The following ZNF141 variants were observed in gnomAD, a reference collection of about 807,000 sequenced individuals.
The protein encoded by ZNF141 is zinc finger protein 141 (clone pHZ-44).
Under a neutral mutation model 11.3 loss-of-function variants are expected in ZNF141, and 7 were observed. The ratio of observed to expected loss-of-function variants is 0.62; its 90% CI spans 0.35 to 1.16. ZNF141 has a LOEUF of 1.16. Ranked by LOEUF, ZNF141 falls within the 50% of genes most tolerant of loss-of-function variation. The pLI is 0.02. For missense variants in ZNF141, 535 were observed against 554.0 expected, an observed-to-expected ratio of 0.97 and a Z score of 0.34; for synonymous variants, 183 against 190.7, an observed-to-expected ratio of 0.96 and a Z score of 0.33.
chr4:378,824 G>C lies in ZNF141; in HGVS notation c.*4962G>C, dbSNP rs1553855036. 1.5e-5 allele frequency among the ~76,000 whole-genome samples: 2 copies of C among 137,840 alleles called. No homozygotes were observed. Among genetic ancestry groups the C allele is most frequent in the East Asian group, 4.3e-4 (2 of 4,660 alleles). The allele number at this position is 137,840 out of a possible 152,430, so 90.4% of individuals were successfully genotyped here. A position where few individuals can be genotyped will look rare whatever the true frequency, so the allele number is the denominator to read the frequency against. ...TTATGGCAGCTGTTGAATCCAAACAGTTTCTCAGTGATTTTTTTTTTTTTT... is the reference window on the plus strand; with the variant it reads ...TTATGGCAGCTGTTGAATCCAAACACTTTCTCAGTGATTTTTTTTTTTTTT... On this transcript the variant is annotated 3_prime_UTR_variant, in exon 4 of 4. Transcript: ENST00000240499.
intron 1 of ZNF141, among the ~76,000 whole-genome samples, chr4:341,680 C>T (rs1721058636): frequency 6.6e-6 from 1 of 152,028 alleles, no homozygotes; most frequent in South Asian, 2.1e-4. Context: ...CCCATCCCTG[C>T]CCAGATCTAC....
chr4:346,858 C>G (rs1259929467), intron 3 of ZNF141, among the ~76,000 whole-genome samples: 1 of 143,422 alleles, frequency 7.0e-6, no homozygotes, highest in Non-Finnish European at 1.5e-5. Context: ...TATGTATATA[C>G]ATGTATGTAT....
In ZNF141 at chr4:372,970, A is replaced by C. The variant is rs376981543; in HGVS notation, c.533A>C (p.Lys178Thr). Reference sequence around the variant, plus strand: ...GAGAAACACTTTAAAGAATGTGGCAAATCATTTCAGAAGTTTTCACACCTA... The same window carrying C: ...GAGAAACACTTTAAAGAATGTGGCACATCATTTCAGAAGTTTTCACACCTA... Reference protein sequence around the residue: ...TGEKHFKECGKSFQKFSHLTQ... With the variant: ...TGEKHFKECGTSFQKFSHLTQ... Residue 178 changes from lysine (K) to threonine (T), a missense_variant, in exon 4 of 4, where the codon AAA (lysine) becomes ACA (threonine). Physicochemically the swap from Lys to Thr is moderately conservative, Grantham distance 78 (BLOSUM62 -1). Transcript: ENST00000240499. The C allele has an allele frequency of 1.2e-6, 2 of 1,614,144 alleles. No individual in the cohort carries two copies. Among genetic ancestry groups the C allele is most frequent in the East Asian group, 2.2e-5 (1 of 44,868 alleles).
intron 3 of ZNF141, among the ~76,000 whole-genome samples, chr4:352,950 G>T (rs1188871142): frequency 5.9e-5 from 9 of 152,180 alleles, no homozygotes; most frequent in African/African-American, 2.2e-4. Flanking sequence ...AAGCAGTGTT[G>T]TGGAACTGGG....
chr4:358,385 C>T (rs1553851585), intron 3 of ZNF141: 3 of 304,648 alleles, frequency 9.8e-6, no homozygotes, highest in South Asian at 7.6e-5. Flanking sequence ...GGGGTTTCAC[C>T]ATGTTGGCCA....
At chr4:344,669 CT>C (rs1721235213) in intron 3 of ZNF141, among the ~76,000 whole-genome samples, 1 of 152,094 alleles carries the variant, frequency 6.6e-6, no homozygotes, top group Admixed American at 6.6e-5. Context: ...TGGTGCGCAC[CT>C]GGAGTCCCAG....
In ZNF141 at chr4:372,668, G is replaced by A. The variant is rs1428588535; in HGVS notation, c.231G>A (p.Met77Ile). The part of the protein sequence containing the change: ...IHKIVARPPA[M>I]CSHFTQDHWP... Reference sequence around the variant, plus strand: ...TGTAATTTTTATTTCTTTCAGCTATGTGTTCTCATTTCACCCAAGACCATT... The same window carrying A: ...TGTAATTTTTATTTCTTTCAGCTATATGTTCTCATTTCACCCAAGACCATT... The change falls in exon 4 of 4, where the codon ATG becomes ATA. Residue 77 changes from methionine (M) to isoleucine (I), a missense_variant. Coordinates refer to ENST00000240499, the MANE Select transcript of ZNF141 (RefSeq NM_003441.4). 1 of 1,511,654 alleles carries A rather than the reference G, an allele frequency of 6.6e-7. No individual in the cohort carries two copies. Among genetic ancestry groups the A allele is most frequent in the Admixed American group, 2.2e-5 (1 of 45,470 alleles). The allele number at this position is 1,511,654 out of a possible 1,614,324, so 93.6% of individuals were successfully genotyped here. A position where few individuals can be genotyped will look rare whatever the true frequency, so the allele number is the denominator to read the frequency against.
chr4:371,554 G>T (rs1712063832), intron 3 of ZNF141, among the ~76,000 whole-genome samples: 1 of 145,102 alleles, frequency 6.9e-6, no homozygotes, highest in South Asian at 2.2e-4. Flanking sequence ...GTGTGTGTGT[G>T]TGTGTGTCAG....
At chr4:340,158 C>T (rs1433138631) in intron 1 of ZNF141, among the ~76,000 whole-genome samples, 2 of 152,248 alleles carry the variant, frequency 1.3e-5, no homozygotes, top group Non-Finnish European at 2.9e-5. Context: ...ATATTTTCCA[C>T]ACGCTGTCAA....
In ZNF141 at chr4:381,946, C is replaced by CTTTTTTTTTTTTTTTTTTTTTTTTT. The variant is rs34905613; in HGVS notation, c.*8103_*8104insTTTTTTTTTTTTTTTTTTTTTTTTT. On this transcript the variant is annotated 3_prime_UTR_variant, in exon 4 of 4. Transcript: ENST00000240499. Reference sequence around the variant, plus strand: ...CTAGGGCCACCACCATCTCTGGGAACTTTTTTTTTTTTTTTTTTTGAGACG... The same window carrying CTTTTTTTTTTTTTTTTTTTTTTTTT: ...CTAGGGCCACCACCATCTCTGGGAACTTTTTTTTTTTTTTTTTTTTTTTTTTTTTTTTTTTTTTTTTTTTGAGACG... Among the ~76,000 whole-genome samples the CTTTTTTTTTTTTTTTTTTTTTTTTT allele has an allele frequency of 9.7e-4, 103 of 105,910 alleles. 12 individuals carry two copies. Among genetic ancestry groups the CTTTTTTTTTTTTTTTTTTTTTTTTT allele is most frequent in the African/African-American group, 1.5e-3 (34 of 22,438 alleles). The allele number at this position is 105,910 out of a possible 152,430, so 69.5% of individuals were successfully genotyped here. A position where few individuals can be genotyped will look rare whatever the true frequency, so the allele number is the denominator to read the frequency against.
chr4:359,337 T>C (rs1159489165), intron 3 of ZNF141, among the ~76,000 whole-genome samples: 1 of 152,212 alleles, frequency 6.6e-6, no homozygotes, highest in African/African-American at 2.4e-5. Context: ...ATGGAGATGC[T>C]GATACAATAA....
At chr4:363,758 C>CAA (rs781822883) in intron 3 of ZNF141, among the ~76,000 whole-genome samples, 6 of 102,068 alleles carry the variant, frequency 5.9e-5, no homozygotes, top group African/African-American at 7.6e-5. Context: ...ACTCTGTCTC[C>CAA]AAAAAAAAAA....
chr4:349,837 TA>T (rs1224613465), intron 3 of ZNF141, among the ~76,000 whole-genome samples: 1 of 152,190 alleles, frequency 6.6e-6, no homozygotes, highest in Non-Finnish European at 1.5e-5. Context: ...GGCAGTAGAC[TA>T]GGGTTTTGAA....
Position 380,684 on chromosome 4 carries a change from G to T in ZNF141, c.*6822G>T, listed in dbSNP as rs1465479189. Among the ~76,000 whole-genome samples, 1 of 151,740 alleles carries T rather than the reference G, an allele frequency of 6.6e-6. No homozygotes were observed. Among genetic ancestry groups the T allele is most frequent in the Non-Finnish European group, 1.5e-5 (1 of 67,960 alleles). ...CCAAAAAAAAAAATTAATTTTCACA[G>T]AAAATTAATAGCATAGGTATTATTA... On this transcript the variant is annotated 3_prime_UTR_variant, in exon 4 of 4. Transcript: ENST00000240499.
At chr4:361,339 G>C (rs2108712244) in intron 3 of ZNF141, among the ~76,000 whole-genome samples, 1 of 148,910 alleles carries the variant, frequency 6.7e-6, no homozygotes, top group Non-Finnish European at 1.5e-5. Flanking sequence ...TTTTTTAACG[G>C]AATGATCTCA....
chr4:362,909 G>A (rs2108714581), intron 3 of ZNF141, among the ~76,000 whole-genome samples: 1 of 152,272 alleles, frequency 6.6e-6, no homozygotes. Context: ...TTCCAGTTCT[G>A]TGAAGAAAGT....
rs1052835249 is a variant in ZNF141, at chr4:376,528, A to T, written c.*2666A>T. ...GTAGTATTATATCAGTATAATTATA[A>T]TTCATACATTTATGCATCCTGAATA... On this transcript the variant is annotated 3_prime_UTR_variant, in exon 4 of 4. Transcript: ENST00000240499. Among the ~76,000 whole-genome samples, 9 of 152,206 alleles carry T rather than the reference A, an allele frequency of 5.9e-5. No individual in the cohort carries two copies. Among genetic ancestry groups the T allele is most frequent in the African/African-American group, 2.2e-4 (9 of 41,588 alleles).
chr4:381,091 T>C lies in ZNF141; in HGVS notation c.*7229T>C, dbSNP rs1449078649. On this transcript the variant is annotated 3_prime_UTR_variant, in exon 4 of 4. Transcript: ENST00000240499. ...CCTGTAGTCAGTAAATGCTGTAATG[T>C]AATTAAATATTATTTACTACAAACT... 6.6e-6 allele frequency among the ~76,000 whole-genome samples: 1 copy of C among 152,228 alleles called. No individual in the cohort carries two copies. The highest frequency in any genetic ancestry group is 1.5e-5 in the Non-Finnish European group (1 of 68,044).
In ZNF141 at chr4:350,482, C is replaced by T. The variant is rs563761929; in HGVS notation, c.226+6052C>T. 1.1e-4 allele frequency among the ~76,000 whole-genome samples: 16 copies of T among 152,310 alleles called. No homozygotes were observed. The East Asian group carries it at 1.2e-3, about 11-fold the overall frequency. On this transcript the variant is annotated intron_variant, in intron 3 of 3. Transcript: ENST00000240499. The stretch of plus-strand genomic sequence containing the variant: ...TTTGAAGCTAAAGAATATTTCATTG[C>T]GTGTATAAGCCACATCTTTTAAAAT...
Sources: gnomAD v4.1 joint callset for allele counts (sites outside exome capture counted in the v4.1 genomes callset) on GRCh38, gnomAD v4.1.1 for gene constraint, MANE v1.5 for transcripts, NCBI Gene and HGNC (gene_info 2026-07-23, HGNC 2026-07-21) for gene names.